The following GALNT8 variants were observed in gnomAD, a reference collection of about 807,000 sequenced individuals.
The protein encoded by GALNT8 is polypeptide N-acetylgalactosaminyltransferase 8.
GALNT8 carries 66 observed loss-of-function variants against 62.7 expected under a neutral mutation model. That is an observed-to-expected ratio of 1.05 (90% CI 0.86 to 1.29). The LOEUF (loss-of-function observed/expected upper bound fraction) is 1.29. Ranked by LOEUF, GALNT8 falls within the 50% of genes most tolerant of loss-of-function variation. The probability of loss-of-function intolerance (pLI) is 0.00; values close to 1 mark genes in which losing one functional copy is unlikely to be tolerated. For missense variants in GALNT8, 771 were observed against 791.8 expected (o/e 0.97, Z 0.32); for synonymous variants, 288 against 294.3 (o/e 0.98, Z 0.22).
chr12:4,750,960 C>T (rs1353889426), intron 6 of GALNT8, among the ~76,000 whole-genome samples: 1 of 152,038 alleles, frequency 6.6e-6, no homozygotes, highest in East Asian at 1.9e-4. Context: ...ATAGAGAACC[C>T]AGAAAAAAGA....
At chr12:4,730,827 A>C (rs1448510834) in intron 2 of GALNT8, among the ~76,000 whole-genome samples, 1 of 151,574 alleles carries the variant, frequency 6.6e-6, no homozygotes, top group African/African-American at 2.4e-5. Flanking sequence ...TAACAGTATT[A>C]ATTCTTCCAA....
At position 4,748,399 on chromosome 12, in the gene GALNT8, A is replaced by G. The variant is rs147899967; in HGVS notation, c.1173+2141A>G. Among the ~76,000 whole-genome samples the G allele has an allele frequency of 1.8e-3, 280 of 152,246 alleles. 2 individuals are homozygous for G. Among genetic ancestry groups the G allele is most frequent in the African/African-American group, 6.4e-3 (264 of 41,544 alleles). On this transcript the variant is annotated intron_variant, in intron 6 of 10. Transcript: ENST00000252318. ...ATCTATTTTCATTTTATTTTTGTAT[A>G]TGGTGAGAGATGCAGACCTACTTTC...
At chr12:4,761,498 G>T (rs1174139366) in intron 7 of GALNT8, among the ~76,000 whole-genome samples, 1 of 152,170 alleles carries the variant, frequency 6.6e-6, no homozygotes, top group Non-Finnish European at 1.5e-5. Flanking sequence ...TAAGTTCCAT[G>T]TTCTTCATCT....
At chr12:4,760,229 C>T (rs1161863777) in intron 6 of GALNT8, among the ~76,000 whole-genome samples, 1 of 152,176 alleles carries the variant, frequency 6.6e-6, no homozygotes, top group Non-Finnish European at 1.5e-5. Flanking sequence ...TTGTTGGCAG[C>T]ATTCAGTTCC....
At chr12:4,770,827 TTA>T (rs1946421024) in intron 10 of GALNT8, among the ~76,000 whole-genome samples, 1 of 152,016 alleles carries the variant, frequency 6.6e-6, no homozygotes, top group Non-Finnish European at 1.5e-5. Context: ...GATAGTAGAG[TTA>T]AGGTCTGGGT....
At chr12:4,728,446 A>G (rs368050968) in intron 2 of GALNT8, among the ~76,000 whole-genome samples, 11 of 152,238 alleles carry the variant, frequency 7.2e-5, no homozygotes, top group African/African-American at 2.6e-4. Context: ...GCTTGGTACA[A>G]GGTCGCAAAG....
rs775310870 is a variant in GALNT8, at chr12:4,720,844, T to A, written c.167T>A (p.Val56Glu). ...PLHLNKRYGA[V>E]IKRLSHLEVE... ...CATCTGAATAAACGCTACGGGGCAGTGATAAAGAGACTCTCCCACTTGGAG... is the reference window on the plus strand; with the variant it reads ...CATCTGAATAAACGCTACGGGGCAGAGATAAAGAGACTCTCCCACTTGGAG... The change falls in exon 1 of 11, where the codon GTG becomes GAG. Residue 56 changes from valine (V) to glutamate (E), a missense_variant. Transcript: ENST00000252318. 1.7e-5 allele frequency: 27 copies of A among 1,609,980 alleles called. No individual in the cohort carries two copies. Among genetic ancestry groups the A allele is most frequent in the Non-Finnish European group, 2.3e-5 (27 of 1,176,470 alleles).
chr12:4,743,000 C>A (rs1946278976), intron 3 of GALNT8, among the ~76,000 whole-genome samples: 1 of 152,140 alleles, frequency 6.6e-6, no homozygotes, highest in African/African-American at 2.4e-5. Context: ...CTATTTGGTA[C>A]TTTTCTTGAA....
At chr12:4,728,158 T>C (rs1326205268) in intron 2 of GALNT8, among the ~76,000 whole-genome samples, 1 of 152,114 alleles carries the variant, frequency 6.6e-6, no homozygotes, top group Non-Finnish European at 1.5e-5. Flanking sequence ...GCCATATGTA[T>C]GTCTTCTTTG....
At chr12:4,737,464 T>A (rs951776314) in intron 2 of GALNT8, among the ~76,000 whole-genome samples, 24 of 152,172 alleles carry the variant, frequency 1.6e-4, no homozygotes, top group African/African-American at 5.1e-4. Flanking sequence ...AAAAATCTCC[T>A]CCTGCCTCTG....
chr12:4,728,415 G>T (rs1035945857), intron 2 of GALNT8, among the ~76,000 whole-genome samples: 1 of 151,858 alleles, frequency 6.6e-6, no homozygotes, highest in African/African-American at 2.4e-5. Flanking sequence ...TGTACTTTTG[G>T]TGTTATATCT....
Position 4,746,128 on chromosome 12 carries a change from G to A in GALNT8, c.1059-16G>A, listed in dbSNP as rs1326168168. On this transcript the variant is annotated splice_polypyrimidine_tract_variant and intron_variant, in intron 5 of 10. Transcript: ENST00000252318. Reference sequence around the variant, plus strand: ...CCTTATGGAGAGATTAGTGACTCTTGCTGTGTGCTCTGTAGGAGTCCTTCA... The same window carrying A: ...CCTTATGGAGAGATTAGTGACTCTTACTGTGTGCTCTGTAGGAGTCCTTCA... 2.8e-6 allele frequency: 4 copies of A among 1,447,644 alleles called. No homozygotes were observed. The highest frequency in any genetic ancestry group is 3.9e-6 in the Non-Finnish European group (4 of 1,028,128). The allele number at this position is 1,447,644 out of a possible 1,614,324, so 89.7% of individuals were successfully genotyped here.
intron 10 of GALNT8, among the ~76,000 whole-genome samples, chr12:4,770,300 T>C (rs1400522425): frequency 7.2e-6 from 1 of 138,384 alleles, no homozygotes; most frequent in Admixed American, 7.4e-5. Context: ...AGACTGTGTC[T>C]CAAAAGAAAA....
At chr12:4,731,115 C>T (rs918500130) in intron 2 of GALNT8, among the ~76,000 whole-genome samples, 13 of 152,028 alleles carry the variant, frequency 8.6e-5, no homozygotes, top group African/African-American at 2.4e-4. Flanking sequence ...GGATTACAAG[C>T]GTGAGCCACC....
At chr12:4,768,577 G>C (rs567937472) in intron 10 of GALNT8, 12 of 247,250 alleles carry the variant, frequency 4.9e-5, no homozygotes, top group South Asian at 1.9e-4. Context: ...TGTGAGATCT[G>C]GAAGGCAGAA....
intron 3 of GALNT8, among the ~76,000 whole-genome samples, chr12:4,744,194 T>C (rs774475782): frequency 3.3e-5 from 5 of 152,226 alleles, no homozygotes; most frequent in Non-Finnish European, 5.9e-5. Flanking sequence ...CACCTTAGGC[T>C]AGATCTGTCC....
At chr12:4,759,270 TG>T (rs1001583914) in intron 6 of GALNT8, among the ~76,000 whole-genome samples, 18 of 152,022 alleles carry the variant, frequency 1.2e-4, no homozygotes, top group Non-Finnish European at 2.5e-4. Context: ...CACATGATTC[TG>T]GGGGCCAATG....
At chr12:4,771,073 G>A (rs961347344) in intron 10 of GALNT8, among the ~76,000 whole-genome samples, 5 of 152,178 alleles carry the variant, frequency 3.3e-5, no homozygotes, top group African/African-American at 1.2e-4. Context: ...GGCTTGCAGG[G>A]GACGGGAAGA....
intron 3 of GALNT8, among the ~76,000 whole-genome samples, chr12:4,742,378 G>T (rs143727691): frequency 4.6e-5 from 7 of 152,182 alleles, no homozygotes; most frequent in African/African-American, 1.7e-4. Context: ...TTATATCAAG[G>T]TAGGTGGAAT....
Sources: allele counts gnomAD v4.1 joint callset (sites outside exome capture counted in the v4.1 genomes callset), GRCh38; gene constraint gnomAD v4.1.1; transcripts MANE v1.5; gene names NCBI Gene and HGNC (gene_info 2026-07-23, HGNC 2026-07-21).